Variants in CDH13 observed in about 807,000 individuals in gnomAD.
The protein encoded by CDH13 is cadherin-13.
In CDH13, 24 loss-of-function variants were observed where a neutral mutation model predicts 63.8. The observed-to-expected ratio is 0.38, with a 90% CI of 0.27 to 0.53. The LOEUF is 0.53. Among genes scored for constraint, CDH13 ranks in the 20% least tolerant of loss-of-function variants. The pLI is 0.85. For synonymous variants in CDH13, 503 were observed against 355.3 expected (o/e 1.42, Z -4.67); for missense variants, 1,049 against 903.1 (o/e 1.16, Z -2.07).
intron 7 of CDH13, among the ~76,000 whole-genome samples, chr16:83,592,508 G>T (rs141274791): frequency 6.6e-6 from 1 of 152,174 alleles, no homozygotes; most frequent in African/African-American, 2.4e-5. Context: ...TTTTTCCAGG[G>T]GTTCTAGGAA....
At chr16:83,634,131 GTGTA>G (rs58042144) in intron 8 of CDH13, among the ~76,000 whole-genome samples, 15,995 of 67,410 alleles carry the variant, frequency 0.24, 1,458 homozygotes, top group African/African-American at 0.38. Context: ...GTGTGTGTGT[GTGTA>G]TGTGTGTGTG....
At chr16:83,566,966 C>T (rs143664276) in intron 7 of CDH13, among the ~76,000 whole-genome samples, 45 of 152,324 alleles carry the variant, frequency 3.0e-4, no homozygotes, top group African/African-American at 9.1e-4. Context: ...TACTTCCTCA[C>T]GTTCCCTCCA....
At chr16:82,714,560 A>G (rs985055224) in intron 1 of CDH13, among the ~76,000 whole-genome samples, 4 of 151,690 alleles carry the variant, frequency 2.6e-5, no homozygotes, top group African/African-American at 9.7e-5. Context: ...CTAAAAATAT[A>G]TAAATTAGCT....
chr16:83,301,636 G>A (rs553997218), intron 5 of CDH13, among the ~76,000 whole-genome samples: 1 of 152,212 alleles, frequency 6.6e-6, no homozygotes, highest in Non-Finnish European at 1.5e-5. Flanking sequence ...TGTTCCTGGC[G>A]CTGGGAGGCT....
chr16:82,931,506 T>TC (rs1174261461), intron 2 of CDH13, among the ~76,000 whole-genome samples: 32 of 126,004 alleles, frequency 2.5e-4, no homozygotes, highest in African/African-American at 4.9e-4. Flanking sequence ...GACCTTGAGG[T>TC]CCCCCCCTTT....
At chr16:83,653,349 A>C (rs1316871766) in intron 8 of CDH13, among the ~76,000 whole-genome samples, 1 of 152,214 alleles carries the variant, frequency 6.6e-6, no homozygotes, top group African/African-American at 2.4e-5. Flanking sequence ...AAAACTGCAT[A>C]GCACCATGTC....
chr16:83,651,186 A>T (rs897866873), intron 8 of CDH13, among the ~76,000 whole-genome samples: 2 of 152,146 alleles, frequency 1.3e-5, no homozygotes, highest in African/African-American at 2.4e-5. Flanking sequence ...TAACAAGGGG[A>T]CTTTCTATTG....
intron 1 of CDH13, among the ~76,000 whole-genome samples, chr16:82,821,151 C>G (rs1187504488): frequency 6.6e-6 from 1 of 152,178 alleles, no homozygotes; most frequent in African/African-American, 2.4e-5. Flanking sequence ...AGCTGAAGGT[C>G]TGTAATGCAT....
chr16:82,786,314 A>T lies in CDH13; in HGVS notation c.46-72048A>T, dbSNP rs141318195. Among the ~76,000 whole-genome samples the T allele has an allele frequency of 3.9e-3, 595 of 152,262 alleles. 9 individuals carry two copies. Among genetic ancestry groups the T allele is most frequent in the Admixed American group, 0.028 (434 of 15,300 alleles). On this transcript the variant is annotated intron_variant, in intron 1 of 13. Transcript: ENST00000567109. ...ATCTTAAAACCATCATAGATATTTC[A>T]GGATAATTTATGGGACAAAATGGAC...
At chr16:83,529,805 C>A (rs1408708990) in intron 7 of CDH13, among the ~76,000 whole-genome samples, 1 of 152,082 alleles carries the variant, frequency 6.6e-6, no homozygotes, top group Non-Finnish European at 1.5e-5. Flanking sequence ...AAATAAATGT[C>A]AACATATTGA....
chr16:83,112,233 G>A (rs766844916), intron 3 of CDH13, among the ~76,000 whole-genome samples: 4 of 152,136 alleles, frequency 2.6e-5, no homozygotes, highest in Non-Finnish European at 5.9e-5. Flanking sequence ...ATCAGTTAGG[G>A]CAGGCTAATT....
At chr16:82,860,386 T>TGGGGGGGGGGGG (rs1212112335) in intron 2 of CDH13, among the ~76,000 whole-genome samples, 1 of 31,260 alleles carries the variant, frequency 3.2e-5, no homozygotes, top group Non-Finnish European at 5.7e-5. Context: ...TGTGTGTGTG[T>TGGGGGGGGGGGG]GTGGGGGGGG....
At chr16:82,960,947 C>T (rs896482862) in intron 2 of CDH13, among the ~76,000 whole-genome samples, 4 of 152,142 alleles carry the variant, frequency 2.6e-5, no homozygotes, top group Non-Finnish European at 5.9e-5. Context: ...AAGGGTAATA[C>T]AAAATATGGA....
intron 13 of CDH13, among the ~76,000 whole-genome samples, chr16:83,791,429 G>C (rs886532423): frequency 6.6e-6 from 1 of 152,004 alleles, no homozygotes; most frequent in Non-Finnish European, 1.5e-5. Context: ...TTGGGAGGCA[G>C]AGGGTGCAAT....
At chr16:83,188,025 G>T (rs1348405233) in intron 4 of CDH13, among the ~76,000 whole-genome samples, 3 of 152,184 alleles carry the variant, frequency 2.0e-5, no homozygotes, top group Non-Finnish European at 2.9e-5. Flanking sequence ...AGGAAGGCTG[G>T]TATGGCTGAA....
intron 1 of CDH13, among the ~76,000 whole-genome samples, chr16:82,724,767 C>T (rs896330476): frequency 3.3e-5 from 5 of 152,118 alleles, no homozygotes; most frequent in African/African-American, 1.2e-4. Context: ...CCCAGATGAT[C>T]CAAGGTGATG....
chr16:83,216,449 ACCC>A (rs2039532857), intron 4 of CDH13, among the ~76,000 whole-genome samples: 2 of 28,732 alleles, frequency 7.0e-5, no homozygotes, highest in Non-Finnish European at 1.9e-4. Context: ...TATATACACA[ACCC>A]TAATTTGAGG....
At chr16:83,602,397 C>T in intron 7 of CDH13, 57 bp from the exon 8 acceptor site, 2 of 1,599,608 alleles carry the variant, frequency 1.3e-6, no homozygotes, top group Non-Finnish European at 1.7e-6. Flanking sequence ...GCCACCTTTC[C>T]AAAGCAGTAA....
intron 6 of CDH13, among the ~76,000 whole-genome samples, chr16:83,455,928 C>A (rs1244517542): frequency 6.6e-6 from 1 of 152,220 alleles, no homozygotes; most frequent in East Asian, 1.9e-4. Flanking sequence ...CAATTAATTT[C>A]ATCAACAGTG....
Sources: gnomAD v4.1 joint callset for allele counts (sites outside exome capture counted in the v4.1 genomes callset) on GRCh38, gnomAD v4.1.1 for gene constraint, MANE v1.5 for transcripts, NCBI Gene and HGNC (gene_info 2026-07-23, HGNC 2026-07-21) for gene names.